The following BIRC6 variants were observed in gnomAD, a reference collection of about 807,000 sequenced individuals.
BIRC6 encodes dual E2 ubiquitin-conjugating enzyme/E3 ubiquitin-protein ligase BIRC6.
In BIRC6, 98 loss-of-function variants were observed where a neutral mutation model predicts 503.3. That is an observed-to-expected ratio of 0.19 (90% CI 0.17 to 0.23). The LOEUF is 0.23. Ranked by LOEUF, BIRC6 falls within the 10% of genes least tolerant of loss-of-function variation. The pLI, the probability that BIRC6 is intolerant of heterozygous loss-of-function variation, is 1.00. For synonymous variants in BIRC6, 2,240 were observed against 2,078.7 expected, an observed-to-expected ratio of 1.08 and a Z score of -2.11; for missense variants, 5,360 against 5,806.0, an observed-to-expected ratio of 0.92 and a Z score of 2.50.
rs1303987864 is a variant in BIRC6, at chr2:32,415,353, A to G, written c.2062A>G (p.Ile688Val). The change falls in exon 10 of 74, where the codon ATT becomes GTT. Residue 688 changes from isoleucine (I) to valine (V), a missense_variant. Physicochemically the swap from Ile to Val is conservative, Grantham distance 29 (BLOSUM62 3). Coordinates refer to ENST00000421745, the MANE Select transcript of BIRC6 (RefSeq NM_016252.4). ...ATTGCAGGATCCTCCTGTGACTTACATTCAGCAATTTGCAGATGCAGCAGC... is the reference window on the plus strand; with the variant it reads ...ATTGCAGGATCCTCCTGTGACTTACGTTCAGCAATTTGCAGATGCAGCAGC... ...LLLQDPPVTY[I>V]QQFADAAANL... 9 of 1,613,918 alleles carry G rather than the reference A, an allele frequency of 5.6e-6. No individual in the cohort carries two copies. The highest frequency in any genetic ancestry group is 2.7e-5 in the African/African-American group (2 of 74,952).
intron 15 of BIRC6, among the ~76,000 whole-genome samples, chr2:32,438,172 A>C (rs1021235726): frequency 6.6e-6 from 1 of 152,206 alleles, no homozygotes; most frequent in Non-Finnish European, 1.5e-5. Flanking sequence ...AGAATATACT[A>C]AGATATTTTT....
intron 65 of BIRC6, among the ~76,000 whole-genome samples, chr2:32,556,201 G>GA (rs1400824031): frequency 1.3e-5 from 2 of 152,196 alleles, no homozygotes; most frequent in Non-Finnish European, 2.9e-5. Context: ...ATGTGGAAAT[G>GA]ACTTTGGTAT....
intron 6 of BIRC6, among the ~76,000 whole-genome samples, chr2:32,400,401 C>T (rs1265209111): frequency 6.9e-6 from 1 of 144,994 alleles, no homozygotes; most frequent in Admixed American, 7.0e-5. Context: ...TGCAGTGGCG[C>T]GATCTCGGCT....
intron 10 of BIRC6, among the ~76,000 whole-genome samples, chr2:32,422,811 C>T (rs991199494): frequency 1.3e-5 from 2 of 152,158 alleles, no homozygotes; most frequent in Non-Finnish European, 2.9e-5. Context: ...ATACTTAGTA[C>T]TCCAATGTGC....
At chr2:32,439,470 G>T in intron 15 of BIRC6, 38 bp from the exon 16 acceptor site, 1 of 1,564,748 alleles carries the variant, frequency 6.4e-7, no homozygotes, top group South Asian at 1.2e-5. Flanking sequence ...ATTTATTGGT[G>T]ATTCAGTTAT....
Position 32,443,627 on chromosome 2 carries a change from T to C in BIRC6, c.4336+39T>C, listed in dbSNP as rs1159257515. ...ATTTAATCACAAATAGTTATAGTCA[T>C]ATGGAACATCTCATATGTATACTTA... On this transcript the variant is annotated intron_variant, in intron 20 of 73. Coordinates refer to ENST00000421745, the MANE Select transcript of BIRC6 (RefSeq NM_016252.4). The C allele has an allele frequency of 2.1e-6, 3 of 1,411,252 alleles. No individual in the cohort carries two copies. The South Asian group carries it at 3.8e-5, about 18-fold the overall frequency. 87.4% of individuals were successfully genotyped at this position (1,411,252 alleles called of 1,614,324 possible). A position where few individuals can be genotyped will look rare whatever the true frequency, so the allele number is the denominator to read the frequency against.
At chr2:32,394,668 C>T (rs2039654149) in intron 5 of BIRC6, among the ~76,000 whole-genome samples, 1 of 151,576 alleles carries the variant, frequency 6.6e-6, no homozygotes, top group South Asian at 2.1e-4. Context: ...CATGTCTCTA[C>T]AAAAAAAATA....
At chr2:32,447,285 G>T (rs1470754563) in intron 21 of BIRC6, among the ~76,000 whole-genome samples, 1 of 149,078 alleles carries the variant, frequency 6.7e-6, no homozygotes, top group Non-Finnish European at 1.5e-5. Flanking sequence ...CCCAGACGGG[G>T]TCGTGGCCGG....
chr2:32,478,586 A>T (rs1304694703), intron 35 of BIRC6, 49 bp from the exon 36 acceptor site: 3 of 1,517,504 alleles, frequency 2.0e-6, no homozygotes, highest in Non-Finnish European at 2.7e-6. Context: ...GTGTTTGAAA[A>T]AACATGTAAT....
At chr2:32,454,005 A>G (rs1288256941) in intron 23 of BIRC6, 63 bp downstream of exon 23, 5 of 1,265,014 alleles carry the variant, frequency 4.0e-6, no homozygotes, top group Non-Finnish European at 5.3e-6. Context: ...AGTGATATTT[A>G]TATATTTAAA....
chr2:32,443,871 T>C (rs1336932425), intron 20 of BIRC6, among the ~76,000 whole-genome samples: 3 of 152,242 alleles, frequency 2.0e-5, no homozygotes, highest in Non-Finnish European at 4.4e-5. Context: ...TTTGGTTGTT[T>C]ACTGACTGTA....
In BIRC6 at chr2:32,482,475, C is replaced by G; in HGVS notation, c.7589C>G (p.Thr2530Ser). 1 of 1,613,834 alleles carries G rather than the reference C, an allele frequency of 6.2e-7. No individual in the cohort carries two copies. Among genetic ancestry groups the G allele is most frequent in the Non-Finnish European group, 8.5e-7 (1 of 1,179,826 alleles). The change falls in exon 39 of 74, where the codon ACC becomes AGC. Residue 2530 changes from threonine (T) to serine (S), a missense_variant. Transcript: ENST00000421745. ...GATTATTGGGGTGCTGATTATGGGA[C>G]CTACAATTACAACCCTTACATTGGA... is the stretch of plus-strand genomic sequence containing the variant. ...WYDYWGADYG[T>S]YNYNPYIGGL...
chr2:32,515,054 C>G lies in BIRC6; in HGVS notation c.10633C>G (p.Leu3545Val), dbSNP rs768288893. The change falls in exon 55 of 74, where the codon CTA (leucine) becomes GTA (valine). Residue 3545 changes from leucine to valine, a missense_variant. Physicochemically the swap from Leu to Val is conservative, Grantham distance 32. Around this residue, in one of 16 missense-constraint regions of BIRC6, gnomAD observed 878 missense variants for 928.9 expected, o/e 0.95. Transcript: ENST00000421745. ...NMVLKKAVDS[L>V]LCSMCHVHPN... ...GGTTTTGAAGAAAGCTGTTGACAGT[C>G]TACTTTGCTCAATGTGTCACGTACA... 4 of 1,613,954 alleles carry G rather than the reference C, an allele frequency of 2.5e-6. No homozygotes were observed. The highest frequency in any genetic ancestry group is 2.5e-6 in the Non-Finnish European group (3 of 1,179,854).
At chr2:32,609,285 C>CTGTGTGGGTG (rs2062687139) in intron 72 of BIRC6, among the ~76,000 whole-genome samples, 1 of 147,552 alleles carries the variant, frequency 6.8e-6, no homozygotes. Context: ...AAGTGTGGCT[C>CTGTGTGGGTG]TGTGTGTGTG....
At chr2:32,542,255 A>G (rs2057719917) in intron 61 of BIRC6, among the ~76,000 whole-genome samples, 1 of 152,048 alleles carries the variant, frequency 6.6e-6, no homozygotes, top group African/African-American at 2.4e-5. Flanking sequence ...ATTTTCTACT[A>G]AAGGAAATCA....
At chr2:32,509,035 C>G (rs1437456884) in intron 51 of BIRC6, among the ~76,000 whole-genome samples, 1 of 142,002 alleles carries the variant, frequency 7.0e-6, no homozygotes, top group Non-Finnish European at 1.5e-5. Context: ...CACCACTGCA[C>G]TCCAGCCTGG....
chr2:32,448,413 C>T (rs2046318231), intron 21 of BIRC6, among the ~76,000 whole-genome samples: 1 of 150,062 alleles, frequency 6.7e-6, no homozygotes, highest in Admixed American at 6.6e-5. Context: ...CCTCGGGAGG[C>T]CGAGGCTGGC....
intron 9 of BIRC6, among the ~76,000 whole-genome samples, chr2:32,406,833 T>C (rs980921092): frequency 9.9e-5 from 15 of 152,214 alleles, no homozygotes; most frequent in Non-Finnish European, 1.9e-4. Flanking sequence ...TAATTAAATG[T>C]TTTTATTTGT....
At chr2:32,535,272 G>A (rs184832148) in intron 61 of BIRC6, among the ~76,000 whole-genome samples, 177 of 148,738 alleles carry the variant, frequency 1.2e-3, no homozygotes, top group Non-Finnish European at 1.8e-3. Context: ...CCTTTCAACA[G>A]AAACCATATG....
Sources: gnomAD v4.1 joint callset for allele counts (sites outside exome capture counted in the v4.1 genomes callset) on GRCh38, gnomAD v4.1.1 for gene constraint, gnomAD v4.1.1 regional missense constraint, MANE v1.5 for transcripts, NCBI Gene and HGNC (gene_info 2026-07-23, HGNC 2026-07-21) for gene names.